The following SPON1 variants were observed in gnomAD, a reference collection of about 807,000 sequenced individuals.
The protein encoded by SPON1 is spondin-1.
A neutral mutation model predicts 111.7 loss-of-function variants in SPON1; 52 were observed. The ratio of observed to expected loss-of-function variants is 0.47; its 90% confidence interval spans 0.37 to 0.59. The LOEUF (loss-of-function observed/expected upper bound fraction) is 0.59. SPON1 is among the 20% of genes least tolerant of loss of function. The probability of loss-of-function intolerance (pLI) is 0.00; values close to 1 mark genes in which losing one functional copy is unlikely to be tolerated. For missense variants in SPON1, 957 were observed against 1,068.5 expected, an observed-to-expected ratio of 0.90 and a Z score of 1.46; for synonymous variants, 410 against 395.8, an observed-to-expected ratio of 1.04 and a Z score of -0.43.
intron 5 of SPON1, among the ~76,000 whole-genome samples, chr11:14,104,330 AATTT>A (rs1190556396): frequency 5.9e-5 from 9 of 151,588 alleles, no homozygotes; most frequent in Admixed American, 2.0e-4. Flanking sequence ...TTTTATAGTT[AATTT>A]GTTTTTTTTT....
chr11:14,239,140 G>A (rs1292149887), intron 6 of SPON1, among the ~76,000 whole-genome samples: 1 of 152,160 alleles, frequency 6.6e-6, no homozygotes. Context: ...CTCAGAGCTT[G>A]GCTTTCAATG....
chr11:14,244,562 C>T (rs376311441), intron 7 of SPON1, among the ~76,000 whole-genome samples: 4 of 150,940 alleles, frequency 2.7e-5, no homozygotes, highest in Non-Finnish European at 4.4e-5. Context: ...GCCTGGGCAA[C>T]ATGGCAAAAC....
intron 1 of SPON1, among the ~76,000 whole-genome samples, chr11:13,980,112 C>G (rs570402672): frequency 6.6e-6 from 1 of 152,152 alleles, no homozygotes; most frequent in African/African-American, 2.4e-5. Flanking sequence ...GCAATCTCGG[C>G]TCACTGCAAC....
intron 8 of SPON1, among the ~76,000 whole-genome samples, 181 bp downstream of exon 8, chr11:14,254,910 G>A (rs1191909390): frequency 1.3e-5 from 2 of 152,208 alleles, no homozygotes; most frequent in Non-Finnish European, 2.9e-5. Context: ...TGTCTGTGCA[G>A]TGGCCAGGAG....
chr11:14,128,363 T>C (rs1362757067), intron 5 of SPON1, among the ~76,000 whole-genome samples: 2 of 152,190 alleles, frequency 1.3e-5, no homozygotes, highest in Non-Finnish European at 1.5e-5. Context: ...AAAGGGGCTA[T>C]AGGCCCCATG....
At chr11:14,185,523 A>G (rs1848277180) in intron 6 of SPON1, among the ~76,000 whole-genome samples, 1 of 152,234 alleles carries the variant, frequency 6.6e-6, no homozygotes. Flanking sequence ...TTCAGTGAAA[A>G]TGTTAGTTAA....
chr11:14,114,213 CT>C (rs1167629424), intron 5 of SPON1, among the ~76,000 whole-genome samples: 3 of 152,286 alleles, frequency 2.0e-5, no homozygotes, highest in Admixed American at 6.5e-5. Context: ...CCCTACTAGC[CT>C]TCCCAGCCTC....
Position 13,962,893 on chromosome 11 carries a change from G to A in SPON1, c.-12G>A, listed in dbSNP as rs868917868. 3 of 1,497,916 alleles carry A rather than the reference G, an allele frequency of 2.0e-6. No homozygotes were observed. The highest frequency in any genetic ancestry group is 1.8e-6 in the Non-Finnish European group (2 of 1,128,804). 92.8% of individuals were successfully genotyped at this position (1,497,916 alleles called of 1,614,324 possible). On this transcript the variant is annotated 5_prime_UTR_variant, in exon 1 of 16. Transcript: ENST00000576479. ...GGCCTGCGGCCGCGGCACAAAGTTG[G>A]GGGCCGCGAAGATGAGGCTGTCCCC...
At chr11:14,165,141 A>C (rs781894009) in intron 6 of SPON1, among the ~76,000 whole-genome samples, 1 of 152,312 alleles carries the variant, frequency 6.6e-6, no homozygotes, top group East Asian at 1.9e-4. Context: ...CCTTTAAACT[A>C]TAAACTAAGT....
In SPON1 at chr11:14,131,323, C is replaced by T. The variant is rs114604659; in HGVS notation, c.677-4097C>T. On this transcript the variant is annotated intron_variant, in intron 5 of 15. Transcript: ENST00000576479. ...TAAGCTCTCTGGGCCTCAGTTTCTT[C>T]GTATGTAACATGAGGATAAGGTTAT... Among the ~76,000 whole-genome samples the T allele has an allele frequency of 4.7e-3, 719 of 152,200 alleles. 4 individuals carry two copies. The highest frequency in any genetic ancestry group is 0.016 in the African/African-American group (658 of 41,514).
At chr11:14,172,040 A>G (rs1848109022) in intron 6 of SPON1, among the ~76,000 whole-genome samples, 1 of 152,074 alleles carries the variant, frequency 6.6e-6, no homozygotes. Context: ...CAATTCCTGG[A>G]TATCCTTGTT....
At chr11:14,182,210 T>C (rs1304882641) in intron 6 of SPON1, among the ~76,000 whole-genome samples, 2 of 152,186 alleles carry the variant, frequency 1.3e-5, no homozygotes, top group African/African-American at 4.8e-5. Flanking sequence ...CCATACACTA[T>C]TGTTCCTGAT....
At chr11:14,092,855 C>A (rs1250809576) in intron 5 of SPON1, among the ~76,000 whole-genome samples, 1 of 152,202 alleles carries the variant, frequency 6.6e-6, no homozygotes, top group Non-Finnish European at 1.5e-5. Context: ...ACTCAGATGA[C>A]ATAGCCACAG....
intron 1 of SPON1, among the ~76,000 whole-genome samples, chr11:13,971,007 A>G (rs1848059072): frequency 6.6e-6 from 1 of 152,224 alleles, no homozygotes. Context: ...AAAAAAATAA[A>G]GTATCATTGA....
intron 6 of SPON1, among the ~76,000 whole-genome samples, chr11:14,141,760 GT>G (rs1482299391): frequency 6.6e-6 from 1 of 152,136 alleles, no homozygotes; most frequent in African/African-American, 2.4e-5. Flanking sequence ...CTAAACTATT[GT>G]TTTTTTCTGA....
In SPON1 at chr11:14,259,319, C is replaced by T. The variant is rs544994780; in HGVS notation, c.1532C>T (p.Ser511Leu). Reference sequence around the variant, plus strand: ...ACCATGTCCGAGTGGATCACCTGGTCGCCCTGCAGCATCTCCTGCGGCATG... The same window carrying T: ...ACCATGTCCGAGTGGATCACCTGGTTGCCCTGCAGCATCTCCTGCGGCATG... ...TCTMSEWITW[S>L]PCSISCGMGM... is the part of the protein sequence containing the mutation. The change falls in exon 12 of 16, where the codon TCG becomes TTG. Residue 511 changes from serine (S) to leucine (L), a missense_variant. Transcript: ENST00000576479. The surrounding 1 kb of genome is among the most constrained non-coding windows in gnomAD (Gnocchi z 5.0). The T allele has an allele frequency of 3.1e-6, 5 of 1,613,008 alleles. No homozygotes were observed. In the South Asian group the frequency reaches 5.5e-5, roughly 18 times the overall value.
chr11:14,231,058 T>C (rs984338954), intron 6 of SPON1, among the ~76,000 whole-genome samples: 5 of 152,158 alleles, frequency 3.3e-5, no homozygotes, highest in African/African-American at 1.2e-4. Context: ...AGCAGTCTTC[T>C]TGCCTTAGCC....
rs782631338 is a variant in SPON1 at position 14,259,470 on chromosome 11, G to A, written c.1663+20G>A. The A allele has an allele frequency of 1.1e-5, 18 of 1,594,950 alleles. No homozygotes were observed. The highest frequency in any genetic ancestry group is 5.4e-5 in the African/African-American group (4 of 74,620). ...AGTGCTGTGAGTGGGGGCCCCGGGC[G>A]GGCAGGCGGGCAAGTAGGTCGGGGA... is the stretch of plus-strand genomic sequence containing the variant. On this transcript the variant is annotated intron_variant, in intron 12 of 15. Coordinates refer to ENST00000576479, the MANE Select transcript of SPON1 (RefSeq NM_006108.4). This position sits in a 1 kb window ranked among gnomAD's most constrained non-coding sequence, Gnocchi z 5.0.
chr11:14,160,851 T>A (rs1316122278), intron 6 of SPON1, among the ~76,000 whole-genome samples: 1 of 40,434 alleles, frequency 2.5e-5, no homozygotes, highest in African/African-American at 8.9e-5. Flanking sequence ...ATTTATATAT[T>A]TATATATATT....
Sources: allele counts gnomAD v4.1 joint callset (sites outside exome capture counted in the v4.1 genomes callset), GRCh38; gene constraint gnomAD v4.1.1; non-coding constraint Gnocchi (gnomAD v3.1); transcripts MANE v1.5; gene names NCBI Gene and HGNC (gene_info 2026-07-23, HGNC 2026-07-21).